MYO1D: variants seen among roughly 807,000 people sequenced by gnomAD.
MYO1D encodes the protein unconventional myosin-Id.
MYO1D carries 83 observed loss-of-function variants against 122.0 expected under a neutral mutation model. That is an observed-to-expected ratio of 0.68 (90% CI 0.57 to 0.82). The LOEUF (loss-of-function observed/expected upper bound fraction) is 0.82. Ranked by LOEUF, MYO1D falls within the 40% of genes least tolerant of loss-of-function variation. MYO1D has a pLI of 0.00. For synonymous variants in MYO1D, 464 were observed against 446.9 expected, an observed-to-expected ratio of 1.04 and a Z score of -0.48; for missense variants, 1,157 against 1,269.5, an observed-to-expected ratio of 0.91 and a Z score of 1.35.
At chr17:32,743,748 G>C (rs1165912185) in intron 13 of MYO1D, among the ~76,000 whole-genome samples, 8 of 151,966 alleles carry the variant, frequency 5.3e-5, no homozygotes, top group Non-Finnish European at 1.2e-4. Flanking sequence ...CTCCTGAGTA[G>C]CTGGGACTAC....
chr17:32,640,169 T>G (rs2088175416), intron 19 of MYO1D, among the ~76,000 whole-genome samples: 1 of 152,102 alleles, frequency 6.6e-6, no homozygotes, highest in African/African-American at 2.4e-5. Context: ...TGTCTGTAAT[T>G]GAGAGTAAAA....
intron 21 of MYO1D, among the ~76,000 whole-genome samples, chr17:32,586,502 T>G (rs1174316525): frequency 6.6e-6 from 1 of 152,226 alleles, no homozygotes; most frequent in Non-Finnish European, 1.5e-5. Context: ...TCCTAACTTG[T>G]CATCAAAATA....
rs545303139 is a variant in MYO1D at position 32,769,559 on chromosome 17, TA to T, written c.714+1565del. Among the ~76,000 whole-genome samples, 24 of 152,158 alleles carry T rather than the reference TA, an allele frequency of 1.6e-4. No homozygotes were observed. The South Asian group carries it at 1.9e-3, about 12-fold the overall frequency. On this transcript the variant is annotated intron_variant, in intron 6 of 21. Coordinates refer to ENST00000318217, the MANE Select transcript of MYO1D (RefSeq NM_015194.3). ...GTTAAGATACACACAGTGCAATACT[TA>T]ATAGTTATAAAAATTATTATATTAA...
chr17:32,506,373 A>G (rs904108697), intron 21 of MYO1D, among the ~76,000 whole-genome samples: 7 of 152,172 alleles, frequency 4.6e-5, no homozygotes, highest in African/African-American at 1.7e-4. Flanking sequence ...TCAAAGGTCC[A>G]TGTCTCATTT....
At chr17:32,826,014 A>G (rs2090719004) in intron 1 of MYO1D, among the ~76,000 whole-genome samples, 1 of 146,674 alleles carries the variant, frequency 6.8e-6, no homozygotes, top group Admixed American at 6.9e-5. Flanking sequence ...GTGCCACTGC[A>G]TTCCAGCCCG....
intron 16 of MYO1D, among the ~76,000 whole-genome samples, chr17:32,680,626 G>A (rs1308553870): frequency 6.9e-6 from 1 of 145,810 alleles, no homozygotes; most frequent in African/African-American, 2.6e-5. Context: ...TGATCATGGT[G>A]GATAAACTTT....
chr17:32,645,723 G>A (rs2088282263), intron 19 of MYO1D, among the ~76,000 whole-genome samples: 1 of 152,108 alleles, frequency 6.6e-6, no homozygotes, highest in African/African-American at 2.4e-5. Context: ...CATTCGTCAT[G>A]TAGTTCTCGT....
Position 32,554,855 on chromosome 17 carries a change from G to A in MYO1D, c.2864+50232C>T, listed in dbSNP as rs138658136. Among the ~76,000 whole-genome samples the A allele has an allele frequency of 3.8e-4, 58 of 152,278 alleles. 1 individual carries two copies. Among genetic ancestry groups the A allele is most frequent in the African/African-American group, 1.4e-3 (58 of 41,562 alleles). ...CAGACTGAAACAATGGATATACGAA[G>A]TTTTTTCCTTTTCAAACGGGCCAAT... On this transcript the variant is annotated intron_variant, in intron 21 of 21. Transcript: ENST00000318217.
At chr17:32,776,805 T>G (rs971724723) in intron 3 of MYO1D, among the ~76,000 whole-genome samples, 1 of 152,246 alleles carries the variant, frequency 6.6e-6, no homozygotes, top group Non-Finnish European at 1.5e-5. Context: ...AATGCTAACT[T>G]TCTATACAGC....
chr17:32,638,615 G>T, intron 20 of MYO1D, 107 bp downstream of exon 20: 1 of 632,702 alleles, frequency 1.6e-6, no homozygotes, highest in South Asian at 3.1e-5. Flanking sequence ...GGAATTCATG[G>T]GCATCCTAAA....
rs376290831 is a variant in MYO1D at position 32,757,825 on chromosome 17, CGTAAG to C, written c.1297-2168_1297-2164del. Among the ~76,000 whole-genome samples, 579 of 152,216 alleles carry C rather than the reference CGTAAG, an allele frequency of 3.8e-3. 3 individuals carry two copies. Among genetic ancestry groups the C allele is most frequent in the African/African-American group, 0.014 (564 of 41,532 alleles). ...AGTTCTTCCAGCAACTTGGCATTCCCGTAAGGTTTCCTAAGGGATACCAGGAGCCA... is the reference window on the plus strand; with the variant it reads ...AGTTCTTCCAGCAACTTGGCATTCCCGTTTCCTAAGGGATACCAGGAGCCA... On this transcript the variant is annotated intron_variant, in intron 10 of 21. Transcript: ENST00000318217.
Position 32,653,777 on chromosome 17 carries a change from G to C in MYO1D, c.2595+66C>G. 2.2e-6 allele frequency: 3 copies of C among 1,357,698 alleles called. 1 individual carries two copies. The South Asian group carries it at 3.6e-5, about 16-fold the overall frequency. 84.1% of individuals were successfully genotyped at this position (1,357,698 alleles called of 1,614,324 possible). On this transcript the variant is annotated intron_variant, in intron 19 of 21. Coordinates refer to ENST00000318217, the MANE Select transcript of MYO1D (RefSeq NM_015194.3). Reference sequence around the variant, plus strand: ...TACTGTTATGTTTTATTACAGGCTTGCTTAAGTGAGTTTCATCTGAATCAG... The same window carrying C: ...TACTGTTATGTTTTATTACAGGCTTCCTTAAGTGAGTTTCATCTGAATCAG...
chr17:32,520,395 CAA>C (rs2150866335), intron 21 of MYO1D, among the ~76,000 whole-genome samples: 1 of 152,334 alleles, frequency 6.6e-6, no homozygotes, highest in African/African-American at 2.4e-5. Flanking sequence ...TGAAGTCACA[CAA>C]AGAGCCAAGG....
chr17:32,644,473 A>G (rs889308412), intron 19 of MYO1D, among the ~76,000 whole-genome samples: 6 of 152,022 alleles, frequency 3.9e-5, no homozygotes, highest in Non-Finnish European at 7.4e-5. Context: ...TATCCTTGTT[A>G]ACTTTCTGTC....
intron 20 of MYO1D, among the ~76,000 whole-genome samples, chr17:32,626,341 T>C (rs903596505): frequency 2.0e-5 from 3 of 152,232 alleles, no homozygotes; most frequent in Non-Finnish European, 4.4e-5. Context: ...TACATCTCCG[T>C]GTATGGCTTT....
rs769614715 is a variant in MYO1D, at chr17:32,755,655, T to G, written c.1304A>C (p.Tyr435Ser). ...GTCAACAATGATCTGATTGTTGAAG[T>G]AGTCAATCTGTAGGACACAGCAAGG... ...REGIPWKHID[Y>S]FNNQIIVDLV... The change falls in exon 11 of 22, where the codon TAC (tyrosine) becomes TCC (serine). Residue 435 changes from tyrosine to serine, a missense_variant. By Grantham distance (144) the Tyr-to-Ser change is moderately radical. Coordinates refer to ENST00000318217, the MANE Select transcript of MYO1D (RefSeq NM_015194.3). 2 of 1,613,096 alleles carry G rather than the reference T, an allele frequency of 1.2e-6. No individual in the cohort carries two copies. Among genetic ancestry groups the G allele is most frequent in the Non-Finnish European group, 1.7e-6 (2 of 1,179,420 alleles).
chr17:32,618,393 C>T (rs2087805450), intron 20 of MYO1D, among the ~76,000 whole-genome samples: 1 of 152,168 alleles, frequency 6.6e-6, no homozygotes, highest in African/African-American at 2.4e-5. Context: ...CAGTAAGTTT[C>T]CAACACCAAT....
intron 16 of MYO1D, among the ~76,000 whole-genome samples, chr17:32,707,368 C>T (rs938615497): frequency 6.6e-6 from 1 of 152,032 alleles, no homozygotes; most frequent in Non-Finnish European, 1.5e-5. Flanking sequence ...CTGGTAAAAG[C>T]CACTGTGGTC....
At chr17:32,685,959 A>T (rs1056884993) in intron 16 of MYO1D, among the ~76,000 whole-genome samples, 1 of 152,248 alleles carries the variant, frequency 6.6e-6, no homozygotes, top group African/African-American at 2.4e-5. Flanking sequence ...TAGATGCATG[A>T]GCAACAAATA....
Sources: allele counts gnomAD v4.1 joint callset (sites outside exome capture counted in the v4.1 genomes callset), GRCh38; gene constraint gnomAD v4.1.1; transcripts MANE v1.5; gene names NCBI Gene and HGNC (gene_info 2026-07-23, HGNC 2026-07-21).